Variants in RUNX2 observed in about 807,000 individuals in gnomAD.
RUNX2 encodes runt-related transcription factor 2.
A neutral mutation model predicts 51.7 loss-of-function variants in RUNX2; 10 were observed. The observed-to-expected ratio is 0.19, with a 90% CI of 0.12 to 0.33. The LOEUF is 0.33. Among genes scored for constraint, RUNX2 ranks in the 10% least tolerant of loss-of-function variants. The pLI is 1.00. For synonymous variants in RUNX2, 276 were observed against 273.6 expected (o/e 1.01, Z -0.09); for missense variants, 562 against 691.3 (o/e 0.81, Z 2.10).
At chr6:45,404,218 C>T (rs974262032) in intron 2 of RUNX2, among the ~76,000 whole-genome samples, 3 of 135,300 alleles carry the variant, frequency 2.2e-5, no homozygotes, top group Non-Finnish European at 4.6e-5. Context: ...TGAGATTGTG[C>T]CACTGCACTC....
At chr6:45,343,367 T>C (rs1790222300) in intron 2 of RUNX2, among the ~76,000 whole-genome samples, 1 of 152,138 alleles carries the variant, frequency 6.6e-6, no homozygotes, top group East Asian at 1.9e-4. Flanking sequence ...TCACTTGATC[T>C]GTTTCAGAGT....
rs147062657 is a variant in RUNX2, at chr6:45,381,326, A to G, written c.59-41267A>G. Among the ~76,000 whole-genome samples, 536 of 152,324 alleles carry G rather than the reference A, an allele frequency of 3.5e-3. 5 individuals are homozygous for G. The highest frequency in any genetic ancestry group is 0.013 in the African/African-American group (521 of 41,564). On this transcript the variant is annotated intron_variant, in intron 2 of 8. Transcript: ENST00000647337. ...TAAAACCTTACAGCCCTAAAATTCTATGTTCCTTCAAAATGGGAATAGCCA... is the reference window on the plus strand; with the variant it reads ...TAAAACCTTACAGCCCTAAAATTCTGTGTTCCTTCAAAATGGGAATAGCCA...
chr6:45,418,573 A>G (rs1323989555), intron 2 of RUNX2, among the ~76,000 whole-genome samples: 1 of 152,244 alleles, frequency 6.6e-6, no homozygotes, highest in Non-Finnish European at 1.5e-5. Flanking sequence ...AAATACACAT[A>G]TGTAAAACCT....
intron 2 of RUNX2, chr6:45,365,343 C>A: frequency 3.1e-6 from 4 of 1,305,402 alleles, no homozygotes; most frequent in Non-Finnish European, 4.3e-6. Flanking sequence ...ATGTACCTAG[C>A]TATAAGTAAA....
intron 2 of RUNX2, among the ~76,000 whole-genome samples, chr6:45,399,464 A>G (rs940728436): frequency 7.2e-6 from 1 of 138,542 alleles, no homozygotes; most frequent in Non-Finnish European, 1.5e-5. Context: ...AGTTCAAGCG[A>G]TTCTCCTGCC....
intron 2 of RUNX2, among the ~76,000 whole-genome samples, chr6:45,403,174 T>C (rs926662821): frequency 3.3e-5 from 5 of 151,910 alleles, no homozygotes; most frequent in Non-Finnish European, 7.4e-5. Context: ...TATTTATCTT[T>C]AGCAGTTGGC....
intron 7 of RUNX2, among the ~76,000 whole-genome samples, chr6:45,544,805 G>T (rs1462892180): frequency 6.6e-6 from 1 of 152,200 alleles, no homozygotes; most frequent in Non-Finnish European, 1.5e-5. Context: ...ACGAGGCAGG[G>T]CACAAGCACT....
intron 5 of RUNX2, among the ~76,000 whole-genome samples, chr6:45,443,213 G>T (rs1455168785): frequency 6.6e-6 from 1 of 151,724 alleles, no homozygotes; most frequent in Non-Finnish European, 1.5e-5. Flanking sequence ...ACTATACCTG[G>T]CTAATGTTTA....
intron 6 of RUNX2, among the ~76,000 whole-genome samples, chr6:45,506,042 G>A (rs929836412): frequency 6.6e-6 from 1 of 152,130 alleles, no homozygotes; most frequent in African/African-American, 2.4e-5. Flanking sequence ...GCTAGATTTG[G>A]TCTACTCTCA....
At chr6:45,480,976 A>G (rs1367756358) in intron 5 of RUNX2, among the ~76,000 whole-genome samples, 1 of 152,214 alleles carries the variant, frequency 6.6e-6, no homozygotes, top group African/African-American at 2.4e-5. Flanking sequence ...TGTTACAGAA[A>G]TGAGAAAATT....
At chr6:45,448,842 G>A (rs141497705) in intron 5 of RUNX2, among the ~76,000 whole-genome samples, 125 of 152,258 alleles carry the variant, frequency 8.2e-4, no homozygotes, top group African/African-American at 2.9e-3. Context: ...TTATTAGTAG[G>A]CAAAGATGGG....
At chr6:45,532,401 A>G (rs1801887926) in intron 7 of RUNX2, among the ~76,000 whole-genome samples, 1 of 152,006 alleles carries the variant, frequency 6.6e-6, no homozygotes, top group South Asian at 2.1e-4. Flanking sequence ...TTTACTGACA[A>G]GGAATGTGTG....
chr6:45,452,180 C>T (rs1582126983), intron 5 of RUNX2, among the ~76,000 whole-genome samples: 1 of 152,214 alleles, frequency 6.6e-6, no homozygotes, highest in Non-Finnish European at 1.5e-5. Context: ...GTCTGTTCCT[C>T]CCTATGGGGA....
intron 2 of RUNX2, among the ~76,000 whole-genome samples, chr6:45,398,593 A>G (rs958553299): frequency 6.6e-6 from 1 of 152,222 alleles, no homozygotes; most frequent in African/African-American, 2.4e-5. Context: ...ACAATCTGGC[A>G]TCATTCATCC....
intron 2 of RUNX2, among the ~76,000 whole-genome samples, chr6:45,333,323 T>G (rs1484496843): frequency 1.3e-5 from 2 of 151,582 alleles, no homozygotes; most frequent in African/African-American, 2.4e-5. Context: ...TTTTGTCCAT[T>G]CAACAGCACA....
intron 2 of RUNX2, among the ~76,000 whole-genome samples, chr6:45,391,431 T>A (rs955977856): frequency 2.6e-5 from 4 of 152,196 alleles, no homozygotes; most frequent in Admixed American, 2.6e-4. Context: ...GGTACTATGA[T>A]TACTTGTACA....
chr6:45,496,403 A>G (rs1425306047), intron 6 of RUNX2, among the ~76,000 whole-genome samples: 1 of 152,234 alleles, frequency 6.6e-6, no homozygotes, highest in Admixed American at 6.5e-5. Context: ...CAAGGAGCTT[A>G]TATTTTAGTG....
intron 5 of RUNX2, among the ~76,000 whole-genome samples, chr6:45,471,413 C>T (rs903340892): frequency 2.0e-5 from 3 of 151,434 alleles, no homozygotes; most frequent in African/African-American, 7.3e-5. Flanking sequence ...TCAAGTGGTA[C>T]CTACATCCCT....
chr6:45,517,935 A>T (rs1318535633), intron 7 of RUNX2, among the ~76,000 whole-genome samples: 2 of 152,168 alleles, frequency 1.3e-5, no homozygotes, highest in Non-Finnish European at 1.5e-5. Flanking sequence ...CAAGTTCTTG[A>T]AACCAGCAGC....
Sources: gnomAD v4.1 joint callset for allele counts (sites outside exome capture counted in the v4.1 genomes callset) on GRCh38, gnomAD v4.1.1 for gene constraint, MANE v1.5 for transcripts, NCBI Gene and HGNC (gene_info 2026-07-23, HGNC 2026-07-21) for gene names.